The following TDRD5 variants were observed in gnomAD, a reference collection of about 807,000 sequenced individuals.
TDRD5 encodes the protein tudor domain containing 5, also known as tudor domain-containing protein 5.
TDRD5 carries 41 observed loss-of-function variants against 120.6 expected under a neutral mutation model. The observed-to-expected ratio is 0.34, with a 90% CI of 0.26 to 0.44. The LOEUF (loss-of-function observed/expected upper bound fraction) is 0.44. Among genes scored for constraint, TDRD5 ranks in the 20% least tolerant of loss-of-function variants. TDRD5 has a pLI of 1.00. For synonymous variants in TDRD5, 430 were observed against 433.7 expected (o/e 0.99, Z 0.11); for missense variants, 1,006 against 1,221.2 (o/e 0.82, Z 2.63).
intron 7 of TDRD5, 42 bp downstream of exon 7, chr1:179,630,962 T>C (rs1342426863): frequency 6.4e-7 from 1 of 1,557,454 alleles, no homozygotes; most frequent in Admixed American, 2.0e-5. Flanking sequence ...ATTTTTATTG[T>C]CCTTATGAGG....
intron 17 of TDRD5, among the ~76,000 whole-genome samples, chr1:179,682,188 C>T (rs1680459701): frequency 6.7e-6 from 1 of 150,334 alleles, no homozygotes; most frequent in South Asian, 2.1e-4. Context: ...TTCTTTGTCT[C>T]TGGTAATTTT....
rs138772785 is a variant in TDRD5, at chr1:179,637,675, A to G, written c.1520+1788A>G. 3.3e-5 allele frequency among the ~76,000 whole-genome samples: 5 copies of G among 151,858 alleles called. No homozygotes were observed. In the East Asian group the frequency reaches 9.7e-4, roughly 29 times the overall value. ...AGCTGCAGTGAGTCATGATTGTGCT[A>G]CTGCACTCCAGCCTGGGCAACAGAG... On this transcript the variant is annotated intron_variant, in intron 9 of 17. Transcript: ENST00000444136.
chr1:179,595,908 TA>T (rs1266742795), intron 4 of TDRD5, 90 bp downstream of exon 4: 38 of 1,299,730 alleles, frequency 2.9e-5, no homozygotes, highest in Non-Finnish European at 3.9e-5. Flanking sequence ...GTTGACCTTT[TA>T]AAAACTGAAG....
intron 3 of TDRD5, among the ~76,000 whole-genome samples, chr1:179,594,622 A>G (rs1225765616): frequency 1.3e-5 from 2 of 152,278 alleles, no homozygotes; most frequent in African/African-American, 2.4e-5. Context: ...CACACTGAGC[A>G]TAGGCGGAGC....
At chr1:179,592,482 ACTT>A (rs1675162545) in intron 1 of TDRD5, 117 bp from the exon 2 acceptor site, 1 of 746,002 alleles carries the variant, frequency 1.3e-6, no homozygotes, top group East Asian at 2.7e-5. Context: ...TCATACTACT[ACTT>A]CTGCCTTATT....
intron 6 of TDRD5, among the ~76,000 whole-genome samples, chr1:179,626,120 G>A (rs201326772): frequency 3.3e-5 from 5 of 152,112 alleles, no homozygotes; most frequent in East Asian, 3.9e-4. Context: ...GCTAGATGAC[G>A]AGTTAGTGGG....
At chr1:179,650,743 C>G (rs1487291279) in intron 11 of TDRD5, 124 bp from the exon 12 acceptor site, 1 of 917,582 alleles carries the variant, frequency 1.1e-6, no homozygotes, top group African/African-American at 1.7e-5. Flanking sequence ...ATGTGTTATT[C>G]TAGTACTTTT....
rs538710224 is a variant in TDRD5 at position 179,648,457 on chromosome 1, G to C, written c.1801-2410G>C. Among the ~76,000 whole-genome samples the C allele has an allele frequency of 8.3e-4, 45 of 54,134 alleles. 2 individuals carry two copies. Among genetic ancestry groups the C allele is most frequent in the South Asian group, 4.2e-3 (5 of 1,202 alleles). 35.5% of individuals were successfully genotyped at this position (54,134 alleles called of 152,430 possible). A position where few individuals can be genotyped will look rare whatever the true frequency, so the allele number is the denominator to read the frequency against. On this transcript the variant is annotated intron_variant, in intron 11 of 17. Coordinates refer to ENST00000444136, the MANE Select transcript of TDRD5 (RefSeq NM_001199085.3). ...CTCTGGGGACTGTTGTGGGGTGGGG[G>C]GGGGGAGGGATAGCATTGGGAGATA...
chr1:179,640,569 A>G (rs1055764917), intron 11 of TDRD5, 124 bp downstream of exon 11: 4 of 1,009,284 alleles, frequency 4.0e-6, no homozygotes, highest in African/African-American at 3.2e-5. Context: ...AAGTCAGTGT[A>G]TAGAGTATGG....
intron 17 of TDRD5, among the ~76,000 whole-genome samples, chr1:179,687,660 A>G (rs558071762): frequency 6.8e-4 from 104 of 152,150 alleles, no homozygotes; most frequent in Admixed American, 2.4e-3. Context: ...GTCTCCCATT[A>G]TTATTGTGTG....
chr1:179,630,164 AT>A (rs1407185647), intron 6 of TDRD5, among the ~76,000 whole-genome samples: 1 of 151,826 alleles, frequency 6.6e-6, no homozygotes, highest in South Asian at 2.1e-4. Context: ...CGCCTGGCTA[AT>A]TTTTTGTATT....
intron 13 of TDRD5, 138 bp downstream of exon 13, chr1:179,652,335 A>T: frequency 1.2e-6 from 1 of 856,184 alleles, no homozygotes. Context: ...TTGTCTCTTT[A>T]TTTGCTGGCT....
chr1:179,608,754 T>C (rs976961160), intron 4 of TDRD5, among the ~76,000 whole-genome samples: 1 of 151,914 alleles, frequency 6.6e-6, no homozygotes, highest in African/African-American at 2.4e-5. Flanking sequence ...TTCCTATTGA[T>C]TTTTTTCCCT....
chr1:179,624,614 C>T (rs1417979790), intron 6 of TDRD5, among the ~76,000 whole-genome samples: 6 of 152,032 alleles, frequency 3.9e-5, no homozygotes, highest in Non-Finnish European at 8.8e-5. Context: ...ATGTAAGTAG[C>T]AAACTATTGG....
chr1:179,677,622 C>T (rs142651671), intron 17 of TDRD5, among the ~76,000 whole-genome samples: 1 of 152,110 alleles, frequency 6.6e-6, no homozygotes, highest in Non-Finnish European at 1.5e-5. Flanking sequence ...TGTTTTTGCT[C>T]TTCTGGGTTT....
rs1255179084 is a variant in TDRD5, at chr1:179,597,232, G to A, written c.831+1414G>A. ...GTTTTGTAAATATTTTCTCCTGGCCGATGTTTGCTTCTTCATTTCCTTAAT... is the reference window on the plus strand; with the variant it reads ...GTTTTGTAAATATTTTCTCCTGGCCAATGTTTGCTTCTTCATTTCCTTAAT... On this transcript the variant is annotated intron_variant, in intron 4 of 17. Transcript: ENST00000444136. 3.3e-5 allele frequency among the ~76,000 whole-genome samples: 5 copies of A among 151,808 alleles called. No homozygotes were observed. In the South Asian group the frequency reaches 8.3e-4, roughly 25 times the overall value.
intron 14 of TDRD5, among the ~76,000 whole-genome samples, chr1:179,654,582 TGA>T (rs1279433821): frequency 1.1e-4 from 17 of 152,008 alleles, no homozygotes; most frequent in African/African-American, 3.9e-4. Context: ...GTGGTCAACA[TGA>T]TGATACCTTG....
intron 17 of TDRD5, among the ~76,000 whole-genome samples, chr1:179,675,273 A>ATTATTTTTTTTTTTTTTTTTTTTT (rs1444171268): frequency 1.5e-5 from 1 of 66,626 alleles, no homozygotes; most frequent in African/African-American, 5.4e-5. Context: ...TATTATTATT[A>ATTATTTTTTTTTTTTTTTTTTTTT]TTTTTTTTTT....
At chr1:179,610,695 C>T (rs996585443) in intron 4 of TDRD5, among the ~76,000 whole-genome samples, 16 of 152,110 alleles carry the variant, frequency 1.1e-4, no homozygotes, top group Non-Finnish European at 1.5e-4. Flanking sequence ...TTTTTGGTTA[C>T]TGACAAAGTT....
Sources: gnomAD v4.1 joint callset for allele counts (sites outside exome capture counted in the v4.1 genomes callset) on GRCh38, gnomAD v4.1.1 for gene constraint, MANE v1.5 for transcripts, NCBI Gene and HGNC (gene_info 2026-07-23, HGNC 2026-07-21) for gene names.